The following ZNF184 variants were observed in gnomAD, a reference collection of about 807,000 sequenced individuals.
ZNF184 encodes zinc finger protein 184 (Kruppel-like).
In ZNF184, 16 loss-of-function variants were observed where a neutral mutation model predicts 54.4. The observed-to-expected ratio is 0.29, with a 90% confidence interval of 0.20 to 0.45. The LOEUF is 0.45. Among genes scored for constraint, ZNF184 ranks in the 20% least tolerant of loss-of-function variants. ZNF184 has a pLI of 1.00. For missense variants in ZNF184, 681 were observed against 888.2 expected (o/e 0.77, Z 2.97); for synonymous variants, 254 against 295.3 (o/e 0.86, Z 1.43).
At chr6:27,467,347 G>C (rs1763164381) in intron 3 of ZNF184, among the ~76,000 whole-genome samples, 1 of 152,160 alleles carries the variant, frequency 6.6e-6, no homozygotes, top group Non-Finnish European at 1.5e-5. Flanking sequence ...TGCAATCCCA[G>C]CACTTTGGGA....
Position 27,452,045 on chromosome 6 carries a change from C to T in ZNF184, c.1514G>A (p.Ser505Asn), listed in dbSNP as rs760275048. 1.2e-6 allele frequency: 2 copies of T among 1,613,844 alleles called. No individual in the cohort carries two copies. The highest frequency in any genetic ancestry group is 2.2e-5 in the South Asian group (2 of 91,058). Residue 505 changes from serine (S) to asparagine (N), a missense_variant, in exon 6 of 6, where the codon AGT becomes AAT. Physicochemically the swap from Ser to Asn is conservative, Grantham distance 46 (BLOSUM62 1). Coordinates refer to ENST00000683788, the MANE Select transcript of ZNF184 (RefSeq NM_001318891.2). This position sits in a 1 kb window ranked among gnomAD's most constrained non-coding sequence, Gnocchi z 5.5. ...IHTREKPFEC[S>N]ECGKAFSYLS... ...ATAACTGAAAGCCTTTCCACATTCA[C>T]TGCATTCAAAGGGCTTTTCTCTCGT... is the stretch of plus-strand genomic sequence containing the variant.
chr6:27,412,479 C>T, the ZNF184 span, among the ~76,000 whole-genome samples: 1 of 152,220 alleles, frequency 6.6e-6, no homozygotes, highest in Non-Finnish European at 1.5e-5. Flanking sequence ...TGGCAATTCT[C>T]CTTAGTACTT....
chr6:27,436,288 T>C, the ZNF184 span, among the ~76,000 whole-genome samples: 90,821 of 151,856 alleles, frequency 0.6, 27,446 homozygotes, highest in Middle Eastern at 0.75. Flanking sequence ...GTCAGCCTCC[T>C]GAGTAGCTGG....
chr6:27,465,511 C>CAAAAAAAAAAAAAAAAAAAAAAAA (rs1345135612), intron 3 of ZNF184, among the ~76,000 whole-genome samples: 1 of 88,442 alleles, frequency 1.1e-5, no homozygotes, highest in African/African-American at 4.3e-5. Flanking sequence ...AAAAAAAAAG[C>CAAAAAAAAAAAAAAAAAAAAAAAA]AAAACCCAAC....
chr6:27,407,489 C>A, the ZNF184 span, among the ~76,000 whole-genome samples: 3 of 152,334 alleles, frequency 2.0e-5, no homozygotes, highest in African/African-American at 4.8e-5. Context: ...TTCACTCTCT[C>A]TCTGGGCAGC....
At chr6:27,462,156 C>G (rs1201412464) in intron 3 of ZNF184, among the ~76,000 whole-genome samples, 1 of 152,112 alleles carries the variant, frequency 6.6e-6, no homozygotes, top group Non-Finnish European at 1.5e-5. Context: ...CTGAAAGGAA[C>G]ACACTGTTTC....
chr6:27,469,790 G>A (rs1763229987), intron 2 of ZNF184, among the ~76,000 whole-genome samples: 1 of 152,214 alleles, frequency 6.6e-6, no homozygotes, highest in Admixed American at 6.5e-5. Flanking sequence ...GTGTGAGATA[G>A]TGGCAATAAG....
intron 3 of ZNF184, among the ~76,000 whole-genome samples, chr6:27,464,553 A>G (rs910403159): frequency 4.6e-5 from 7 of 152,186 alleles, no homozygotes; most frequent in African/African-American, 1.7e-4. Context: ...GTAAGAATAG[A>G]AGGAAAAAAA....
chr6:27,464,787 T>A (rs1430345063), intron 3 of ZNF184, among the ~76,000 whole-genome samples: 1 of 149,756 alleles, frequency 6.7e-6, no homozygotes, highest in Non-Finnish European at 1.5e-5. Flanking sequence ...GAGGCCAAGG[T>A]GGGCGGATCA....
the ZNF184 span, chr6:27,407,639 C>T: frequency 6.6e-6 from 4 of 610,574 alleles, no homozygotes; most frequent in East Asian, 1.2e-4. Context: ...AGGTGTGTGC[C>T]TGCACGCCAA....
intron 3 of ZNF184, among the ~76,000 whole-genome samples, chr6:27,465,396 A>C (rs1415112187): frequency 7.1e-6 from 1 of 140,194 alleles, no homozygotes; most frequent in Non-Finnish European, 1.5e-5. Flanking sequence ...GAGGCAGGAG[A>C]ATGGCATGAA....
At chr6:27,458,355 G>A (rs1273932226) in intron 3 of ZNF184, among the ~76,000 whole-genome samples, 3 of 144,196 alleles carry the variant, frequency 2.1e-5, no homozygotes, top group Non-Finnish European at 4.5e-5. Flanking sequence ...TGCAGAAGGG[G>A]CAAAAATATT....
chr6:27,471,238 T>C (rs188773572), intron 2 of ZNF184, among the ~76,000 whole-genome samples: 99 of 152,274 alleles, frequency 6.5e-4, no homozygotes, highest in Non-Finnish European at 1.2e-4. Flanking sequence ...GCTAGTGGCA[T>C]TAAGTTAGAA....
chr6:27,419,162 G>A, the ZNF184 span, among the ~76,000 whole-genome samples: 4 of 152,096 alleles, frequency 2.6e-5, no homozygotes, highest in African/African-American at 4.8e-5. The surrounding 1 kb of genome is among the most constrained non-coding windows in gnomAD (Gnocchi z 4.8). Flanking sequence ...GTAGTGCAGT[G>A]GCACAATCTC....
chr6:27,423,625 G>A, the ZNF184 span, among the ~76,000 whole-genome samples: 9 of 126,426 alleles, frequency 7.1e-5, no homozygotes, highest in African/African-American at 2.3e-4. Flanking sequence ...AAGCATAAAG[G>A]GATGAAAAGC....
the ZNF184 span, among the ~76,000 whole-genome samples, chr6:27,435,469 C>T: frequency 6.6e-6 from 1 of 152,082 alleles, no homozygotes; most frequent in Admixed American, 6.6e-5. Flanking sequence ...AGCAATGCAA[C>T]TAATTTTTGT....
At chr6:27,446,382 TA>T (rs1462654260), downstream of ZNF184, among the ~76,000 whole-genome samples, 1 of 152,120 alleles carries the variant, frequency 6.6e-6, no homozygotes, top group Non-Finnish European at 1.5e-5. Context: ...TAGGCCCAGG[TA>T]TGGCTTGATC....
chr6:27,423,460 T>G, the ZNF184 span, among the ~76,000 whole-genome samples: 1 of 152,282 alleles, frequency 6.6e-6, no homozygotes, highest in African/African-American at 2.4e-5. Flanking sequence ...TTGTGGGCTG[T>G]GAGTTTGAAG....
At chr6:27,449,660 A>G (rs988017449), downstream of ZNF184, among the ~76,000 whole-genome samples, 1 of 152,168 alleles carries the variant, frequency 6.6e-6, no homozygotes, top group Middle Eastern at 3.2e-3. Context: ...AGGCTGAGGC[A>G]GGAGCATCCT....
Sources: gnomAD v4.1 joint callset for allele counts (sites outside exome capture counted in the v4.1 genomes callset) on GRCh38, gnomAD v4.1.1 for gene constraint, Gnocchi (gnomAD v3.1) non-coding constraint, MANE v1.5 for transcripts, NCBI Gene and HGNC (gene_info 2026-07-23, HGNC 2026-07-21) for gene names.